KIAA1217: variants seen among roughly 807,000 people sequenced by gnomAD.
KIAA1217 encodes the protein KIAA1217, also known as sickle tail protein homolog.
In KIAA1217, 88 loss-of-function variants were observed where a neutral mutation model predicts 163.9. That is an observed-to-expected ratio of 0.54 (90% CI 0.45 to 0.64). KIAA1217 has a LOEUF of 0.64. Ranked by LOEUF, KIAA1217 falls within the 30% of genes least tolerant of loss-of-function variation. The probability of loss-of-function intolerance (pLI) is 0.00; values close to 1 mark genes in which losing one functional copy is unlikely to be tolerated. For missense variants in KIAA1217, 2,372 were observed against 2,475.0 expected (o/e 0.96, Z 0.88); for synonymous variants, 903 against 923.1 (o/e 0.98, Z 0.39).
At chr10:23,868,402 C>T (rs748705124) in intron 1 of KIAA1217, among the ~76,000 whole-genome samples, 1 of 152,110 alleles carries the variant, frequency 6.6e-6, no homozygotes, top group Non-Finnish European at 1.5e-5. Context: ...TCAGTGCTTG[C>T]ATTGTGCCCA....
intron 1 of KIAA1217, among the ~76,000 whole-genome samples, chr10:23,899,718 G>A (rs1841874790): frequency 6.6e-6 from 1 of 152,036 alleles, no homozygotes; most frequent in Non-Finnish European, 1.5e-5. Context: ...GCACTAGAAA[G>A]CTCAGAGGAC....
At chr10:23,778,243 TGC>T (rs1401052046) in intron 1 of KIAA1217, among the ~76,000 whole-genome samples, 1 of 152,130 alleles carries the variant, frequency 6.6e-6, no homozygotes, top group African/African-American at 2.4e-5. Flanking sequence ...CTCGGCAAAC[TGC>T]AGATATTTTT....
chr10:24,309,290 T>A (rs1386670968), intron 2 of KIAA1217, among the ~76,000 whole-genome samples: 1 of 151,856 alleles, frequency 6.6e-6, no homozygotes, highest in Admixed American at 6.6e-5. Context: ...GGATGGGGTC[T>A]TTCAAACTGT....
intron 2 of KIAA1217, among the ~76,000 whole-genome samples, chr10:24,051,300 C>G (rs1849485535): frequency 6.6e-6 from 1 of 152,128 alleles, no homozygotes; most frequent in African/African-American, 2.4e-5. Flanking sequence ...TTTATCCACT[C>G]ATTGGTTGAT....
At chr10:24,506,989 T>G (rs1284261085) in intron 9 of KIAA1217, among the ~76,000 whole-genome samples, 1 of 152,204 alleles carries the variant, frequency 6.6e-6, no homozygotes, top group African/African-American at 2.4e-5. Flanking sequence ...AGCCAAAAAG[T>G]TCCCGAAGTT....
chr10:24,356,477 G>A (rs898539657), intron 2 of KIAA1217, among the ~76,000 whole-genome samples: 5 of 152,208 alleles, frequency 3.3e-5, no homozygotes, highest in Admixed American at 2.6e-4. Context: ...TTGTGGGGGA[G>A]ACCTCTAGTG....
chr10:24,348,787 G>A (rs1042476425), intron 2 of KIAA1217, among the ~76,000 whole-genome samples: 1 of 152,074 alleles, frequency 6.6e-6, no homozygotes, highest in African/African-American at 2.4e-5. Flanking sequence ...GAAATTTAGG[G>A]CCCTAGCAAA....
chr10:24,380,199 A>G (rs1215612347), intron 2 of KIAA1217, among the ~76,000 whole-genome samples: 2 of 152,200 alleles, frequency 1.3e-5, no homozygotes, highest in Non-Finnish European at 2.9e-5. Context: ...GTAGAAGAGT[A>G]TACAGTCCCA....
At chr10:24,049,047 A>T (rs1221080443) in intron 2 of KIAA1217, among the ~76,000 whole-genome samples, 2 of 150,522 alleles carry the variant, frequency 1.3e-5, no homozygotes, top group South Asian at 2.1e-4. Context: ...AAAAAAAAAA[A>T]AAAAAAATTA....
intron 1 of KIAA1217, among the ~76,000 whole-genome samples, chr10:23,782,738 G>A (rs1364315325): frequency 1.3e-5 from 2 of 152,102 alleles, no homozygotes; most frequent in Non-Finnish European, 2.9e-5. Context: ...TTTTTGTATG[G>A]AGTCTTTAGG....
intron 1 of KIAA1217, among the ~76,000 whole-genome samples, chr10:23,744,476 G>A (rs1052353087): frequency 6.6e-6 from 1 of 152,138 alleles, no homozygotes; most frequent in African/African-American, 2.4e-5. Flanking sequence ...GCTTCCAAAG[G>A]TCACACTTTT....
chr10:24,386,141 A>T (rs889056140), intron 3 of KIAA1217, among the ~76,000 whole-genome samples: 5 of 152,234 alleles, frequency 3.3e-5, no homozygotes, highest in African/African-American at 1.2e-4. Context: ...TTTAGAAAAG[A>T]GACCTCACTG....
intron 2 of KIAA1217, among the ~76,000 whole-genome samples, chr10:24,227,296 T>C (rs2070717278): frequency 6.6e-6 from 1 of 150,812 alleles, no homozygotes; most frequent in South Asian, 2.1e-4. Flanking sequence ...TAGCTGGGAT[T>C]ACAGGGGTCC....
intron 1 of KIAA1217, among the ~76,000 whole-genome samples, chr10:23,916,457 C>T (rs1842635554): frequency 6.6e-6 from 1 of 152,168 alleles, no homozygotes; most frequent in Non-Finnish European, 1.5e-5. Context: ...GCATTCACAC[C>T]ACTTTATATC....
intron 2 of KIAA1217, among the ~76,000 whole-genome samples, chr10:24,094,903 G>T (rs4748927): frequency 6.6e-6 from 1 of 152,122 alleles, no homozygotes; most frequent in Non-Finnish European, 1.5e-5. Context: ...CGAGCTTCCC[G>T]GCTGCTTTGT....
At chr10:23,914,010 G>A (rs1440024803) in intron 1 of KIAA1217, among the ~76,000 whole-genome samples, 1 of 152,154 alleles carries the variant, frequency 6.6e-6, no homozygotes, top group Non-Finnish European at 1.5e-5. Context: ...AAACACAGAG[G>A]CATGCCCTGC....
intron 2 of KIAA1217, among the ~76,000 whole-genome samples, chr10:24,135,112 C>T (rs80045681): frequency 0.012 from 1,796 of 152,226 alleles, 21 homozygotes; most frequent in Middle Eastern, 0.054. Context: ...TCCCTGAACT[C>T]CTGTTTCTTC....
chr10:24,449,240 A>G (rs1402567661), intron 5 of KIAA1217, among the ~76,000 whole-genome samples: 1 of 152,146 alleles, frequency 6.6e-6, no homozygotes, highest in Non-Finnish European at 1.5e-5. Flanking sequence ...AAGAAAAGGT[A>G]ATATATGCAC....
intron 1 of KIAA1217, among the ~76,000 whole-genome samples, chr10:23,761,471 T>C (rs377375931): frequency 2.4e-4 from 37 of 152,268 alleles, no homozygotes; most frequent in African/African-American, 8.9e-4. Flanking sequence ...TTCTCCTTGG[T>C]TTCAAAGAAC....
Sources: allele counts gnomAD v4.1 joint callset (sites outside exome capture counted in the v4.1 genomes callset), GRCh38; gene constraint gnomAD v4.1.1; transcripts MANE v1.5; gene names NCBI Gene and HGNC (gene_info 2026-07-23, HGNC 2026-07-21).